ARPP21: variants seen among roughly 807,000 people sequenced by gnomAD.
ARPP21 encodes cAMP-regulated phosphoprotein 21.
A neutral mutation model predicts 113.2 loss-of-function variants in ARPP21; 69 were observed. The observed-to-expected ratio is 0.61, with a 90% CI of 0.50 to 0.74. ARPP21 has a LOEUF of 0.74. Among genes scored for constraint, ARPP21 ranks in the 30% least tolerant of loss-of-function variants. The probability of loss-of-function intolerance (pLI) is 0.00; values close to 1 mark genes in which losing one functional copy is unlikely to be tolerated. For missense variants in ARPP21, 1,070 were observed against 1,037.4 expected (o/e 1.03, Z -0.43); for synonymous variants, 368 against 375.5 (o/e 0.98, Z 0.23).
intron 19 of ARPP21, among the ~76,000 whole-genome samples, chr3:35,756,589 G>A (rs1045539321): frequency 3.9e-5 from 6 of 152,046 alleles, no homozygotes; most frequent in Admixed American, 3.9e-4. Context: ...CTAATCATGA[G>A]GAAGATGCTT....
At chr3:35,664,777 G>A (rs1398050956) in intron 1 of ARPP21, among the ~76,000 whole-genome samples, 1 of 152,142 alleles carries the variant, frequency 6.6e-6, no homozygotes, top group Non-Finnish European at 1.5e-5. Flanking sequence ...GGAGGCAGAA[G>A]GCCAAGAATA....
chr3:35,729,416 C>T lies in ARPP21; in HGVS notation c.1339C>T (p.Pro447Ser), dbSNP rs780005804. 1.9e-6 allele frequency: 3 copies of T among 1,614,116 alleles called. No homozygotes were observed. The highest frequency in any genetic ancestry group is 1.1e-5 in the South Asian group (1 of 91,086). The change falls in exon 15 of 21, where the codon CCT (proline) becomes TCT (serine). Residue 447 changes from proline (P) to serine (S), a missense_variant. By Grantham distance (74) the Pro-to-Ser change is moderately conservative (BLOSUM62 -1). Transcript: ENST00000684406. ...GVAAGSPGCV[P>S]YPENGIGGQV... ...GGCAGCTGGCTCTCCAGGCTGTGTG[C>T]CTTATCCAGAGAATGGAATAGGGGG...
At chr3:35,652,915 C>T (rs1703039787) in intron 1 of ARPP21, among the ~76,000 whole-genome samples, 1 of 151,978 alleles carries the variant, frequency 6.6e-6, no homozygotes, top group African/African-American at 2.4e-5. Context: ...TACCTTGTTT[C>T]TCCAGGCAAA....
intron 18 of ARPP21, among the ~76,000 whole-genome samples, chr3:35,742,611 C>T (rs1358838693): frequency 1.3e-5 from 2 of 152,204 alleles, no homozygotes; most frequent in Admixed American, 1.3e-4. Context: ...TACAGGTTCA[C>T]ACAGATTAAG....
chr3:35,741,937 G>A (rs923740199), intron 18 of ARPP21, among the ~76,000 whole-genome samples: 7 of 152,208 alleles, frequency 4.6e-5, no homozygotes, highest in South Asian at 4.1e-4. Context: ...TTGGAGTGGC[G>A]CTGGATTCAA....
At position 35,687,769 on chromosome 3, in the gene ARPP21, T is replaced by C; in HGVS notation, c.292T>C (p.Ser98Pro). 6.2e-7 allele frequency: 1 copy of C among 1,602,996 alleles called. No homozygotes were observed. Among genetic ancestry groups the C allele is most frequent in the South Asian group, 1.1e-5 (1 of 88,530 alleles). Residue 98 changes from serine to proline, a missense_variant, in exon 6 of 21, where the codon TCC becomes CCC. Coordinates refer to ENST00000684406, the MANE Select transcript of ARPP21 (RefSeq NM_001385562.1). ...AATTCATTTACAGCTTTCCAGTTTTTCCAGCCTGCAAGAGGAGGATAAATC... is the reference window on the plus strand; with the variant it reads ...AATTCATTTACAGCTTTCCAGTTTTCCCAGCCTGCAAGAGGAGGATAAATC... The part of the protein sequence containing the change: ...ESIHLQLSSF[S>P]SLQEEDKSRK...
At chr3:35,768,071 T>A (rs2096051430) in intron 19 of ARPP21, among the ~76,000 whole-genome samples, 1 of 145,366 alleles carries the variant, frequency 6.9e-6, no homozygotes. Context: ...CAGTGCCCCA[T>A]GCTTTTCCGT....
At chr3:35,742,403 G>C (rs1462041548) in intron 18 of ARPP21, among the ~76,000 whole-genome samples, 1 of 152,120 alleles carries the variant, frequency 6.6e-6, no homozygotes, top group Non-Finnish European at 1.5e-5. Context: ...AGAATTATTT[G>C]TTTTTTATTG....
chr3:35,689,585 A>G (rs2081625076), intron 7 of ARPP21, among the ~76,000 whole-genome samples, 200 bp downstream of exon 7: 1 of 151,548 alleles, frequency 6.6e-6, no homozygotes, highest in Non-Finnish European at 1.5e-5. Flanking sequence ...CTGGGTAGTT[A>G]CCCAATTAAT....
chr3:35,756,425 C>T (rs1009302518), intron 19 of ARPP21, among the ~76,000 whole-genome samples: 1 of 152,028 alleles, frequency 6.6e-6, no homozygotes, highest in Non-Finnish European at 1.5e-5. Flanking sequence ...ATGTTACCAA[C>T]GTGCAGTAGC....
At chr3:35,662,329 G>A (rs1708211189) in intron 1 of ARPP21, among the ~76,000 whole-genome samples, 2 of 152,206 alleles carry the variant, frequency 1.3e-5, no homozygotes, top group South Asian at 4.1e-4. Context: ...ATGGCTTAAA[G>A]CAAAATGGTG....
chr3:35,773,206 T>C (rs9860258), intron 19 of ARPP21, among the ~76,000 whole-genome samples: 2 of 152,104 alleles, frequency 1.3e-5, no homozygotes, highest in African/African-American at 4.8e-5. Flanking sequence ...CTTCAAATCG[T>C]TTTTTAAATT....
intron 19 of ARPP21, among the ~76,000 whole-genome samples, chr3:35,750,115 C>CTT (rs57509420): frequency 0.019 from 1,756 of 92,464 alleles, 43 homozygotes; most frequent in African/African-American, 0.063. Flanking sequence ...GTTTATTTCG[C>CTT]TTTTTTTTTT....
intron 14 of ARPP21, among the ~76,000 whole-genome samples, chr3:35,724,223 G>A (rs1025099910): frequency 2.6e-5 from 4 of 152,164 alleles, no homozygotes; most frequent in African/African-American, 9.7e-5. Context: ...GGCCTGGGCT[G>A]CCTACCAGAT....
At chr3:35,680,799 T>G (rs1459716364) in intron 2 of ARPP21, 1 of 77,060 alleles carries the variant, frequency 1.3e-5, no homozygotes, top group Admixed American at 1.3e-4. Context: ...TCTTTCTTCT[T>G]TTTTTTTCTT....
At chr3:35,792,616 G>A in intron 20 of ARPP21, 86 bp downstream of exon 20, 1 of 1,276,288 alleles carries the variant, frequency 7.8e-7, no homozygotes, top group South Asian at 1.2e-5. Context: ...GGTTTGGGTG[G>A]CTGGCTGGGT....
intron 1 of ARPP21, among the ~76,000 whole-genome samples, chr3:35,669,939 A>G (rs1414082415): frequency 6.6e-6 from 1 of 152,120 alleles, no homozygotes; most frequent in Non-Finnish European, 1.5e-5. Flanking sequence ...TCAGTACTGC[A>G]TGGACCATTC....
intron 9 of ARPP21, 48 bp downstream of exon 9, chr3:35,691,053 G>A (rs369355912): frequency 1.7e-4 from 258 of 1,556,154 alleles, no homozygotes; most frequent in Non-Finnish European, 2.1e-4. Context: ...TTCTCCTATG[G>A]ATTCATTTAT....
intron 19 of ARPP21, among the ~76,000 whole-genome samples, chr3:35,768,171 G>T (rs988639934): frequency 1.3e-5 from 2 of 149,698 alleles, no homozygotes; most frequent in Non-Finnish European, 3.0e-5. Context: ...GAGAGGATAG[G>T]CTTGAGATGA....
Sources: gnomAD v4.1 joint callset for allele counts (sites outside exome capture counted in the v4.1 genomes callset) on GRCh38, gnomAD v4.1.1 for gene constraint, MANE v1.5 for transcripts, NCBI Gene and HGNC (gene_info 2026-07-23, HGNC 2026-07-21) for gene names.